Variants in HYDIN observed in about 807,000 individuals in gnomAD.
The protein encoded by HYDIN is HYDIN axonemal central pair apparatus protein, also known as axonemal central pair apparatus protein HYDIN.
A neutral mutation model predicts 403.9 loss-of-function variants in HYDIN; 132 were observed. The ratio of observed to expected loss-of-function variants is 0.33; its 90% confidence interval spans 0.28 to 0.38. HYDIN has a LOEUF of 0.38. HYDIN is among the 10% of genes least tolerant of loss of function. The pLI is 1.00. For synonymous variants in HYDIN, 1,202 were observed against 1,891.7 expected (o/e 0.64, Z 9.46); for missense variants, 2,827 against 5,009.5 (o/e 0.56, Z 13.15).
intron 23 of HYDIN, among the ~76,000 whole-genome samples, chr16:71,012,332 G>C (rs767023155): frequency 9.2e-5 from 14 of 152,262 alleles, no homozygotes; most frequent in Admixed American, 9.2e-4. Flanking sequence ...AGATGTGGGA[G>C]GGGGAGAGAC....
intron 18 of HYDIN, among the ~76,000 whole-genome samples, chr16:71,044,002 A>G (rs2081373644): frequency 6.6e-6 from 1 of 151,650 alleles, no homozygotes; most frequent in Non-Finnish European, 1.5e-5. Flanking sequence ...AAGAGAGAGA[A>G]AGAAAGAAAG....
At chr16:71,054,084 A>G (rs1296377599) in intron 18 of HYDIN, among the ~76,000 whole-genome samples, 1 of 152,360 alleles carries the variant, frequency 6.6e-6, no homozygotes, top group East Asian at 1.9e-4. Context: ...GGGAGTGGGT[A>G]TGTGTTGAGA....
chr16:70,891,306 A>G (rs1434642722), intron 57 of HYDIN, among the ~76,000 whole-genome samples: 1 of 152,050 alleles, frequency 6.6e-6, no homozygotes, highest in East Asian at 1.9e-4. Context: ...CTCCTGCCTC[A>G]GCCTCCCGAG....
intron 23 of HYDIN, among the ~76,000 whole-genome samples, chr16:71,005,465 T>C (rs532160237): frequency 1.1e-4 from 16 of 152,252 alleles, no homozygotes; most frequent in African/African-American, 3.1e-4. Context: ...GTCAGGAGGA[T>C]AGCCTTCATC....
At chr16:70,954,976 T>G (rs2078187024) in intron 40 of HYDIN, among the ~76,000 whole-genome samples, 1 of 152,176 alleles carries the variant, frequency 6.6e-6, no homozygotes, top group Non-Finnish European at 1.5e-5. Context: ...ACCCATTTCC[T>G]TGAAAACTTC....
intron 23 of HYDIN, among the ~76,000 whole-genome samples, chr16:71,011,044 G>A (rs1038839819): frequency 3.3e-5 from 5 of 152,198 alleles, no homozygotes; most frequent in African/African-American, 1.2e-4. Flanking sequence ...AGGAATCTGG[G>A]TCCATCTGTG....
At chr16:71,068,846 C>T (rs111351862) in intron 14 of HYDIN, among the ~76,000 whole-genome samples, 88 of 152,296 alleles carry the variant, frequency 5.8e-4, no homozygotes, top group Non-Finnish European at 7.1e-4. Context: ...ATTCGGATTA[C>T]AAAGCTGAAT....
chr16:70,996,601 A>T (rs1398839073), intron 23 of HYDIN, among the ~76,000 whole-genome samples: 1 of 152,128 alleles, frequency 6.6e-6, no homozygotes, highest in African/African-American at 2.4e-5. Flanking sequence ...GTCATAGCAA[A>T]TGTCCAATAA....
chr16:71,025,629 C>T (rs2144138586), intron 20 of HYDIN, 103 bp from the exon 21 acceptor site: 1 of 106,524 alleles, frequency 9.4e-6, no homozygotes, highest in East Asian at 2.7e-4. Flanking sequence ...GACTACCTGC[C>T]TGGGGACACA....
At chr16:71,064,929 G>A in intron 15 of HYDIN, 89 bp from the exon 16 acceptor site, 4 of 1,418,622 alleles carry the variant, frequency 2.8e-6, no homozygotes, top group South Asian at 2.7e-5. Flanking sequence ...ACATTTGTCA[G>A]TGTCACATAG....
At chr16:70,813,936 T>C (rs2035668950) in intron 84 of HYDIN, among the ~76,000 whole-genome samples, 1 of 152,212 alleles carries the variant, frequency 6.6e-6, no homozygotes, top group African/African-American at 2.4e-5. Flanking sequence ...TAGATCATTA[T>C]GATATCATAG....
chr16:70,992,975 A>C (rs1257060584), intron 23 of HYDIN, among the ~76,000 whole-genome samples: 1 of 152,024 alleles, frequency 6.6e-6, no homozygotes, highest in East Asian at 1.9e-4. Context: ...GACCCTCCCC[A>C]ACCTATCTCA....
At chr16:70,995,402 T>C (rs2079497807) in intron 23 of HYDIN, among the ~76,000 whole-genome samples, 1 of 152,152 alleles carries the variant, frequency 6.6e-6, no homozygotes, top group African/African-American at 2.4e-5. Context: ...ATGTTCCCTG[T>C]AGCTGCCAGA....
intron 3 of HYDIN, among the ~76,000 whole-genome samples, 197 bp from the exon 4 acceptor site, chr16:71,179,244 A>T (rs184482369): frequency 6.6e-6 from 1 of 152,314 alleles, no homozygotes; most frequent in Admixed American, 6.5e-5. Context: ...AACTGGAGGG[A>T]AAAATAGAAT....
intron 23 of HYDIN, among the ~76,000 whole-genome samples, chr16:71,012,923 TGA>T (rs1416525968): frequency 6.8e-6 from 1 of 147,514 alleles, no homozygotes; most frequent in Non-Finnish European, 1.5e-5. Context: ...GCCAGGAAGC[TGA>T]GAGAGAGGAA....
intron 84 of HYDIN, among the ~76,000 whole-genome samples, chr16:70,811,966 T>G (rs2035537219): frequency 9.8e-6 from 1 of 101,862 alleles, no homozygotes; most frequent in Non-Finnish European, 1.9e-5. Context: ...TTAAAGAAAT[T>G]CAGGTTCATA....
chr16:71,132,678 C>T (rs2084757735), intron 8 of HYDIN: 1 of 149,322 alleles, frequency 6.7e-6, no homozygotes, highest in African/African-American at 2.5e-5. Context: ...TACCAGAAAA[C>T]AAAGAGAACA....
chr16:70,990,394 CAAAAAAAAAAAAAAAAAAAAAA>C (rs72381537), intron 25 of HYDIN, among the ~76,000 whole-genome samples: 4 of 8,690 alleles, frequency 4.6e-4, no homozygotes, highest in African/African-American at 9.7e-4. Flanking sequence ...GACTCTGCCT[CAAAAAAAAAAAAAAAAAAAAAA>C]AAAAAAAAAA....
rs940922502 is a variant in HYDIN, at chr16:70,918,132, G to A, written c.8004+79C>T. 3.7e-4 allele frequency: 164 copies of A among 440,732 alleles called. 9 individuals carry two copies. In the Admixed American group the frequency reaches 5.5e-3, roughly 15 times the overall value. The allele number at this position is 440,732 out of a possible 1,614,324, so 27.3% of individuals were successfully genotyped here. On this transcript the variant is annotated intron_variant, in intron 47 of 85. Coordinates refer to ENST00000393567, the MANE Select transcript of HYDIN (RefSeq NM_001270974.2). ...ACACCTCATGCCAGGCTCCATTTTT[G>A]GTCTGGTGGAGGGTGACCTTCTCTC...
Sources: gnomAD v4.1 joint callset for allele counts (sites outside exome capture counted in the v4.1 genomes callset) on GRCh38, gnomAD v4.1.1 for gene constraint, MANE v1.5 for transcripts, NCBI Gene and HGNC (gene_info 2026-07-23, HGNC 2026-07-21) for gene names.